USP54: variants seen among roughly 807,000 people sequenced by gnomAD.
The protein encoded by USP54 is ubiquitin carboxyl-terminal hydrolase 54.
In USP54, 87 loss-of-function variants were observed where a neutral mutation model predicts 170.5. The ratio of observed to expected loss-of-function variants is 0.51; its 90% confidence interval spans 0.43 to 0.61. USP54 has a LOEUF of 0.61. Ranked by LOEUF, USP54 falls within the 20% of genes least tolerant of loss-of-function variation. The pLI is 0.00. For missense variants in USP54, 1,786 were observed against 2,047.8 expected (o/e 0.87, Z 2.47); for synonymous variants, 655 against 742.8 (o/e 0.88, Z 1.92).
At chr10:73,607,383 T>C (rs796180594) in intron 1 of USP54, among the ~76,000 whole-genome samples, 4 of 150,786 alleles carry the variant, frequency 2.7e-5, no homozygotes, top group African/African-American at 9.7e-5. Context: ...AAGAACATAG[T>C]CTCCAAATAC....
intron 20 of USP54, 110 bp from the exon 21 acceptor site, chr10:73,505,536 T>C (rs1466628024): frequency 1.1e-5 from 9 of 837,940 alleles, no homozygotes; most frequent in Non-Finnish European, 1.5e-5. Flanking sequence ...ATAATAAATA[T>C]GCATCCTTGA....
intron 1 of USP54, among the ~76,000 whole-genome samples, chr10:73,616,642 A>G (rs1026930101): frequency 6.7e-6 from 1 of 150,210 alleles, no homozygotes; most frequent in African/African-American, 2.5e-5. Flanking sequence ...CCAGGAACTT[A>G]AAATTAAATT....
At chr10:73,499,266 T>A in intron 23 of USP54, 78 bp from the exon 24 acceptor site, 1 of 1,404,638 alleles carries the variant, frequency 7.1e-7, no homozygotes, top group Non-Finnish European at 9.6e-7. Context: ...TGCCTAGCTG[T>A]GTAGCCCAAT....
chr10:73,589,487 T>A (rs1268712641), intron 1 of USP54, among the ~76,000 whole-genome samples: 1 of 152,234 alleles, frequency 6.6e-6, no homozygotes, highest in African/African-American at 2.4e-5. Flanking sequence ...TTACCCTATA[T>A]AATAACCTTC....
At chr10:73,538,556 T>C (rs952094207) in intron 10 of USP54, among the ~76,000 whole-genome samples, 1 of 152,024 alleles carries the variant, frequency 6.6e-6, no homozygotes, top group Non-Finnish European at 1.5e-5. Flanking sequence ...GGCTCACGCC[T>C]GTAATCCCAA....
intron 17 of USP54, among the ~76,000 whole-genome samples, chr10:73,523,102 C>A (rs2062178128): frequency 6.6e-6 from 1 of 152,180 alleles, no homozygotes; most frequent in Non-Finnish European, 1.5e-5. Context: ...AAAGTCCATG[C>A]AAATTGTTTG....
intron 23 of USP54, 152 bp from the exon 24 acceptor site, chr10:73,499,340 AT>A: frequency 1.2e-6 from 1 of 803,654 alleles, no homozygotes; most frequent in South Asian, 1.9e-5. Flanking sequence ...TTTTGATTCC[AT>A]TTCTTAAAAT....
At chr10:73,511,292 T>C (rs1212161970) in intron 20 of USP54, among the ~76,000 whole-genome samples, 1 of 152,100 alleles carries the variant, frequency 6.6e-6, no homozygotes, top group East Asian at 1.9e-4. Flanking sequence ...TATTGTACAC[T>C]TTAAATAGGT....
chr10:73,503,633 C>T (rs1394425398), intron 22 of USP54, among the ~76,000 whole-genome samples: 1 of 152,112 alleles, frequency 6.6e-6, no homozygotes, highest in Non-Finnish European at 1.5e-5. Context: ...GGAGAGTCCA[C>T]CTTTTCCAAA....
chr10:73,534,148 A>C (rs2064681303), intron 12 of USP54, among the ~76,000 whole-genome samples: 1 of 151,898 alleles, frequency 6.6e-6, no homozygotes, highest in African/African-American at 2.4e-5. Context: ...TGAATTGCCC[A>C]AATTCTGTGC....
intron 20 of USP54, among the ~76,000 whole-genome samples, chr10:73,508,135 C>T (rs775515542): frequency 5.9e-5 from 9 of 151,684 alleles, no homozygotes; most frequent in Admixed American, 6.6e-5. Context: ...AGGCAGGGTG[C>T]GATGGCTCAT....
Position 73,505,231 on chromosome 10 carries a change from T to C in USP54, c.4170+77A>G. 3 of 1,423,396 alleles carry C rather than the reference T, an allele frequency of 2.1e-6. No homozygotes were observed. In the South Asian group the frequency reaches 3.8e-5, roughly 18 times the overall value. The allele number at this position is 1,423,396 out of a possible 1,614,324, so 88.2% of individuals were successfully genotyped here. ...TCACCATGCCTCTGCCTTATCATCA[T>C]CCCTGTCACATCTCTCCATAATTCC... On this transcript the variant is annotated intron_variant, in intron 21 of 23. Coordinates refer to ENST00000687698, the MANE Select transcript of USP54 (RefSeq NM_001391956.1).
At chr10:73,617,599 G>GT (rs1478895413) in intron 1 of USP54, among the ~76,000 whole-genome samples, 1 of 150,468 alleles carries the variant, frequency 6.6e-6, no homozygotes, top group Non-Finnish European at 1.5e-5. Flanking sequence ...GAGGGCTGAG[G>GT]TGGAAAAATT....
rs1004135560 is a variant in USP54, at chr10:73,530,834, T to C, written c.1317A>G (p.Gly439=). The change falls in exon 13 of 24, where the codon GGA becomes GGG. Residue 439 remains glycine (G), a splice_region_variant and synonymous_variant. Transcript: ENST00000687698. ...DSMSQSSRDT[G]HLTDSECNQK... The stretch of plus-strand genomic sequence containing the variant: ...GATTACATTCACTATCAGTCAGGTG[T>C]CCTGAAAAAACAAGGAAATTGGGGT... 6.2e-6 allele frequency: 10 copies of C among 1,613,736 alleles called. No homozygotes were observed. Among genetic ancestry groups the C allele is most frequent in the Non-Finnish European group, 8.5e-6 (10 of 1,179,858 alleles).
intron 1 of USP54, among the ~76,000 whole-genome samples, chr10:73,581,011 C>T (rs2076840020): frequency 6.6e-6 from 1 of 152,244 alleles, no homozygotes; most frequent in Non-Finnish European, 1.5e-5. Flanking sequence ...GATATTCACA[C>T]AATGACAAAA....
In USP54 at chr10:73,498,943, C is replaced by G. The variant is rs1020764123; in HGVS notation, c.4741G>C (p.Val1581Leu). ...TLPERSKGLQ[V>L]PHTQSWSDLF... The stretch of plus-strand genomic sequence containing the variant: ...TCACTCCAGGACTGAGTGTGAGGAA[C>G]CTGAAGGCCCTTGCTTCTTTCTGGT... The change falls in exon 24 of 24, where the codon GTT (valine) becomes CTT (leucine). Residue 1581 changes from valine to leucine, a missense_variant. Coordinates refer to ENST00000687698, the MANE Select transcript of USP54 (RefSeq NM_001391956.1). The G allele has an allele frequency of 6.2e-6, 10 of 1,613,990 alleles. No homozygotes were observed. The highest frequency in any genetic ancestry group is 8.5e-6 in the Non-Finnish European group (10 of 1,180,036).
chr10:73,571,515 T>C lies in USP54; in HGVS notation c.148-2A>G. ...GAAGATATCCAAGTGCCACAAAACC[T>C]GATGAGAAAAGGAAAATATTTCATT... On this transcript the variant is annotated splice_acceptor_variant, in intron 3 of 23. Transcript: ENST00000687698. LOFTEE classifies it high-confidence loss of function. The C allele has an allele frequency of 1.9e-6, 3 of 1,612,236 alleles. No individual in the cohort carries two copies. Among genetic ancestry groups the C allele is most frequent in the Non-Finnish European group, 2.5e-6 (3 of 1,179,124 alleles).
At chr10:73,592,960 G>A (rs1009393207), upstream of USP54, among the ~76,000 whole-genome samples, 1 of 152,230 alleles carries the variant, frequency 6.6e-6, no homozygotes, top group African/African-American at 2.4e-5. Context: ...AAGAGGTTCT[G>A]TGCCAAATAG....
chr10:73,586,414 G>C (rs2077489098), intron 1 of USP54, among the ~76,000 whole-genome samples: 1 of 152,110 alleles, frequency 6.6e-6, no homozygotes, highest in Non-Finnish European at 1.5e-5. Context: ...TGCATGGTGG[G>C]GTTTGGATTA....
Sources: gnomAD v4.1 joint callset for allele counts (sites outside exome capture counted in the v4.1 genomes callset) on GRCh38, gnomAD v4.1.1 for gene constraint, MANE v1.5 for transcripts, NCBI Gene and HGNC (gene_info 2026-07-23, HGNC 2026-07-21) for gene names.